DLG5: variants seen among roughly 807,000 people sequenced by gnomAD.
DLG5 encodes discs large MAGUK scaffold protein 5.
A neutral mutation model predicts 189.8 loss-of-function variants in DLG5; 48 were observed. The ratio of observed to expected loss-of-function variants is 0.25; its 90% CI spans 0.20 to 0.32. The LOEUF is 0.32. Ranked by LOEUF, DLG5 falls within the 10% of genes least tolerant of loss-of-function variation. The probability of loss-of-function intolerance (pLI) is 1.00; values close to 1 mark genes in which losing one functional copy is unlikely to be tolerated. For missense variants in DLG5, 2,160 were observed against 2,544.7 expected (o/e 0.85, Z 3.25); for synonymous variants, 1,016 against 1,054.1 (o/e 0.96, Z 0.70).
Position 77,858,095 on chromosome 10 carries a change from C to G in DLG5, c.374-1203G>C, listed in dbSNP as rs576582782. On this transcript the variant is annotated intron_variant, in intron 2 of 31. Transcript: ENST00000372391. ...GGAGCTCAGGGCCAGGCATGACAAG[C>G]CAGACCACAGTGGGAGGAGGATCCT... Among the ~76,000 whole-genome samples the G allele has an allele frequency of 5.3e-5, 8 of 152,250 alleles. No individual in the cohort carries two copies. The East Asian group carries it at 1.4e-3, about 26-fold the overall frequency.
At chr10:77,803,614 A>G (rs1841326127) in intron 27 of DLG5, among the ~76,000 whole-genome samples, 1 of 152,238 alleles carries the variant, frequency 6.6e-6, no homozygotes, top group East Asian at 1.9e-4. Flanking sequence ...AAAAAGGTTA[A>G]TTTACCAGGA....
At chr10:77,825,374 CCACACACACACACACACACACACACA>C (rs59102694) in intron 13 of DLG5, among the ~76,000 whole-genome samples, 2 of 130,814 alleles carry the variant, frequency 1.5e-5, no homozygotes, top group Non-Finnish European at 1.6e-5. Context: ...CCACACACAA[CCACACACACACACACACACACACACA>C]CACACACACA....
intron 2 of DLG5, chr10:77,867,827 T>C (rs1038088136): frequency 1.7e-4 from 71 of 415,996 alleles, no homozygotes; most frequent in South Asian, 3.5e-5. Context: ...TTATTGCTGA[T>C]GGTGAAATAG....
At position 77,791,231 on chromosome 10, in the gene DLG5, AC is replaced by A. The variant is rs891756873; in HGVS notation, c.*1208del. 7 of 152,496 alleles carry A rather than the reference AC, an allele frequency of 4.6e-5. No homozygotes were observed. The highest frequency in any genetic ancestry group is 1.5e-4 in the African/African-American group (6 of 41,372). The allele number at this position is 152,496 out of a possible 1,614,324, so 9.4% of individuals were successfully genotyped here. On this transcript the variant is annotated 3_prime_UTR_variant, in exon 32 of 32. Coordinates refer to ENST00000372391, the MANE Select transcript of DLG5 (RefSeq NM_004747.4). ...GGAACAGTATTAAAATATAGGTCCTACCCCAACGACACTTACACAGAGCCCA... is the reference window on the plus strand; with the variant it reads ...GGAACAGTATTAAAATATAGGTCCTACCCAACGACACTTACACAGAGCCCA...
intron 20 of DLG5, among the ~76,000 whole-genome samples, chr10:77,813,494 T>C (rs1043041960): frequency 6.6e-6 from 1 of 152,110 alleles, no homozygotes; most frequent in Non-Finnish European, 1.5e-5. Context: ...ACTTGCCCAC[T>C]CTGGAAATCC....
intron 1 of DLG5, among the ~76,000 whole-genome samples, chr10:77,871,929 C>G (rs1440392199): frequency 6.6e-6 from 1 of 152,142 alleles, no homozygotes; most frequent in Non-Finnish European, 1.5e-5. Flanking sequence ...AAGTCAAATG[C>G]AATTCGGGCA....
At chr10:77,878,350 C>T (rs139272531) in intron 1 of DLG5, among the ~76,000 whole-genome samples, 15 of 152,308 alleles carry the variant, frequency 9.8e-5, no homozygotes, top group East Asian at 1.9e-4. Flanking sequence ...GAATGAGCAA[C>T]GAGAGGGAAA....
intron 5 of DLG5, among the ~76,000 whole-genome samples, chr10:77,849,741 CA>C (rs895867870): frequency 6.6e-6 from 1 of 152,096 alleles, no homozygotes; most frequent in African/African-American, 2.4e-5. Context: ...GAGAGGGGGA[CA>C]GGGGTGGGAG....
At position 77,854,282 on chromosome 10, in the gene DLG5, G is replaced by C; in HGVS notation, c.625C>G (p.His209Asp). The C allele has an allele frequency of 6.2e-7, 1 of 1,614,208 alleles. No homozygotes were observed. The highest frequency in any genetic ancestry group is 8.5e-7 in the Non-Finnish European group (1 of 1,180,040). The change falls in exon 4 of 32, where the codon CAC (histidine) becomes GAC (aspartate). Residue 209 changes from histidine to aspartate, a missense_variant. Around this residue, in one of 5 missense-constraint regions of DLG5, gnomAD observed 664 missense variants for 838.5 expected, o/e 0.79. Coordinates refer to ENST00000372391, the MANE Select transcript of DLG5 (RefSeq NM_004747.4). ...MSDLQSLQNQ[H>D]TNALKRCEEV... is the part of the protein sequence containing the mutation. Reference sequence around the variant, plus strand: ...TCACACCTCTTCAAGGCGTTGGTGTGCTGGTTCTGCAGGCTCTGCAGGTCC... The same window carrying C: ...TCACACCTCTTCAAGGCGTTGGTGTCCTGGTTCTGCAGGCTCTGCAGGTCC...
At chr10:77,800,940 C>T (rs532053725) in intron 27 of DLG5, among the ~76,000 whole-genome samples, 6 of 152,320 alleles carry the variant, frequency 3.9e-5, no homozygotes, top group African/African-American at 1.4e-4. Context: ...ACAAAAGCTG[C>T]AACCCAGCCT....
intron 23 of DLG5, 61 bp downstream of exon 23, chr10:77,811,033 T>A: frequency 6.4e-7 from 1 of 1,559,300 alleles, no homozygotes; most frequent in Non-Finnish European, 8.7e-7. Flanking sequence ...ACTTGGAGAA[T>A]GTGCTCAGCC....
intron 1 of DLG5, among the ~76,000 whole-genome samples, chr10:77,915,788 C>T (rs1846340779): frequency 6.6e-6 from 1 of 152,194 alleles, no homozygotes; most frequent in South Asian, 2.1e-4. Flanking sequence ...CAATCCTAAA[C>T]GGGATAAGGA....
chr10:77,814,505 A>ATATATATATATATATATC (rs36102159), intron 20 of DLG5, among the ~76,000 whole-genome samples: 3 of 110,272 alleles, frequency 2.7e-5, no homozygotes, highest in African/African-American at 6.7e-5. Context: ...ATATATATAT[A>ATATATATATATATATATC]TCCAAAGGGT....
intron 3 of DLG5, among the ~76,000 whole-genome samples, chr10:77,855,246 T>G (rs1450706049): frequency 6.6e-6 from 1 of 152,190 alleles, no homozygotes; most frequent in Non-Finnish European, 1.5e-5. Flanking sequence ...TTCCCAGACC[T>G]GCAGCACAGT....
chr10:77,892,293 A>C (rs564340561), intron 1 of DLG5, among the ~76,000 whole-genome samples: 8 of 152,302 alleles, frequency 5.3e-5, no homozygotes, highest in African/African-American at 1.9e-4. Context: ...CTGTGAGAAA[A>C]ACACTGCCTG....
intron 13 of DLG5, among the ~76,000 whole-genome samples, chr10:77,825,561 C>CT (rs547889590): frequency 0.017 from 2,537 of 145,418 alleles, 35 homozygotes; most frequent in African/African-American, 0.038. Flanking sequence ...GTCAAGTTTT[C>CT]TTTTTTTTTT....
intron 7 of DLG5, among the ~76,000 whole-genome samples, chr10:77,840,743 G>C (rs1843377332): frequency 6.6e-6 from 1 of 152,082 alleles, no homozygotes; most frequent in Non-Finnish European, 1.5e-5. Context: ...AAGAAACGGA[G>C]GCCTAGAGAG....
chr10:77,833,554 AGTG>A (rs1213355476), intron 9 of DLG5, among the ~76,000 whole-genome samples: 74 of 152,034 alleles, frequency 4.9e-4, no homozygotes, highest in African/African-American at 1.6e-3. Context: ...CGAGTGAGTG[AGTG>A]AGTGAGTGAG....
At chr10:77,880,961 CCT>C (rs1564572301) in intron 1 of DLG5, among the ~76,000 whole-genome samples, 5 of 105,650 alleles carry the variant, frequency 4.7e-5, no homozygotes, top group South Asian at 3.4e-4. Flanking sequence ...TAACCCTAGA[CCT>C]TTTTTTTTTT....
Sources: allele counts gnomAD v4.1 joint callset (sites outside exome capture counted in the v4.1 genomes callset), GRCh38; gene constraint gnomAD v4.1.1; regional missense constraint gnomAD v4.1.1; transcripts MANE v1.5; gene names NCBI Gene and HGNC (gene_info 2026-07-23, HGNC 2026-07-21).